Variants in ZNF248 observed in about 807,000 individuals in gnomAD.
ZNF248 encodes zinc finger protein 248.
Under a neutral mutation model 44.3 loss-of-function variants are expected in ZNF248, and 20 were observed. That is an observed-to-expected ratio of 0.45 (90% confidence interval 0.32 to 0.66). The LOEUF is 0.66. ZNF248 is among the 30% of genes least tolerant of loss of function. ZNF248 has a pLI of 0.04. For synonymous variants in ZNF248, 224 were observed against 229.0 expected, an observed-to-expected ratio of 0.98 and a Z score of 0.20; for missense variants, 654 against 677.0, an observed-to-expected ratio of 0.97 and a Z score of 0.38.
the ZNF248 span, among the ~76,000 whole-genome samples, chr10:37,768,623 T>C: frequency 6.4e-4 from 97 of 152,126 alleles, no homozygotes; most frequent in African/African-American, 2.2e-3. Flanking sequence ...TTCAAAGCAG[T>C]GTGTAGAGGG....
At chr10:37,856,247 C>G in intron 3 of ZNF248, 49 bp downstream of exon 3, 1 of 1,594,968 alleles carries the variant, frequency 6.3e-7, no homozygotes, top group Non-Finnish European at 8.6e-7. Context: ...TTATAAACTT[C>G]AGAAATCCAT....
chr10:37,817,714 A>C (rs1156417485), intron 6 of ZNF248, among the ~76,000 whole-genome samples: 1 of 152,138 alleles, frequency 6.6e-6, no homozygotes, highest in African/African-American at 2.4e-5. Flanking sequence ...TTAAAAATTG[A>C]AATTATTTAG....
Position 37,829,149 on chromosome 10 carries a change from C to T in ZNF248, c.*2466G>A, listed in dbSNP as rs1202567457. ...TGGTTGGTTTCTCCAAAGAGAGACACCAGCAATTTGGCACCACAGTTCTGG... is the reference window on the plus strand; with the variant it reads ...TGGTTGGTTTCTCCAAAGAGAGACATCAGCAATTTGGCACCACAGTTCTGG... On this transcript the variant is annotated 3_prime_UTR_variant, in exon 6 of 6. Transcript: ENST00000395867. The T allele has an allele frequency of 3.0e-6, 3 of 985,308 alleles. No individual in the cohort carries two copies. The highest frequency in any genetic ancestry group is 6.2e-5 in the Admixed American group (1 of 16,248). 61.0% of individuals were successfully genotyped at this position (985,308 alleles called of 1,614,324 possible).
downstream of ZNF248, among the ~76,000 whole-genome samples, chr10:37,828,111 A>G (rs989041833): frequency 6.6e-6 from 1 of 152,242 alleles, no homozygotes; most frequent in Non-Finnish European, 1.5e-5. Context: ...AGAATGCAGT[A>G]TAAGAGAAAA....
In ZNF248 at chr10:37,776,689, G is replaced by A. The variant is rs2046610520; in HGVS notation, c.331-114C>T. On this transcript the variant is annotated intron_variant, in intron 6 of 6. Transcript: ENST00000615949. The stretch of plus-strand genomic sequence containing the variant: ...CTATGCTGAAGGTTGGATGGTGCAG[G>A]AGTCCAAGCAACACAGTCATGCAGC... 5 of 383,020 alleles carry A rather than the reference G, an allele frequency of 1.3e-5. No homozygotes were observed. In the East Asian group the frequency reaches 1.9e-4, roughly 14 times the overall value. The allele number at this position is 383,020 out of a possible 1,614,324, so 23.7% of individuals were successfully genotyped here.
chr10:37,785,075 G>C (rs911383369), intron 6 of ZNF248, among the ~76,000 whole-genome samples: 1 of 152,144 alleles, frequency 6.6e-6, no homozygotes, highest in Non-Finnish European at 1.5e-5. Flanking sequence ...CTTGGAGGAA[G>C]GCCAGTTTTG....
chr10:37,829,004 A>G lies in ZNF248; in HGVS notation c.*2611T>C. 2 of 985,476 alleles carry G rather than the reference A, an allele frequency of 2.0e-6. No homozygotes were observed. The highest frequency in any genetic ancestry group is 2.4e-6 in the Non-Finnish European group (2 of 829,930). 61.0% of individuals were successfully genotyped at this position (985,476 alleles called of 1,614,324 possible). A position where few individuals can be genotyped will look rare whatever the true frequency, so the allele number is the denominator to read the frequency against. On this transcript the variant is annotated 3_prime_UTR_variant, in exon 6 of 6. Transcript: ENST00000395867. ...TAGAATAACTTTATTTCTAACACTG[A>G]GCCTTCTACATAGGAATTTACAGAA... is the stretch of plus-strand genomic sequence containing the variant.
At position 37,832,469 on chromosome 10, in the gene ZNF248, G is replaced by A. The variant is rs201051439; in HGVS notation, c.886C>T (p.Pro296Ser). 19 of 1,613,790 alleles carry A rather than the reference G, an allele frequency of 1.2e-5. No homozygotes were observed. Among genetic ancestry groups the A allele is most frequent in the Non-Finnish European group, 1.6e-5 (19 of 1,179,948 alleles). Residue 296 changes from proline (P) to serine (S), a missense_variant, in exon 6 of 6, where the codon CCT becomes TCT. By Grantham distance (74) the Pro-to-Ser change is moderately conservative (BLOSUM62 -1). Transcript: ENST00000395867. ...GHQRALTKDN[P>S]YEYNEYGEIF... The stretch of plus-strand genomic sequence containing the variant: ...TCCCCATATTCATTATATTCATAAG[G>A]ATTGTCCTTTGTAAGAGCTCTCTGA...
chr10:37,824,673 A>ATTTT (rs755411927), downstream of ZNF248, among the ~76,000 whole-genome samples: 38 of 79,710 alleles, frequency 4.8e-4, 6 homozygotes, highest in Admixed American at 1.7e-3. Context: ...ATTATTTTAA[A>ATTTT]TTTTTTTTTT....
chr10:37,841,970 C>T (rs1197593581), intron 3 of ZNF248, among the ~76,000 whole-genome samples: 13 of 152,068 alleles, frequency 8.5e-5, no homozygotes, highest in Non-Finnish European at 1.9e-4. Context: ...GACATGATGA[C>T]TAAGTAGAAT....
chr10:37,761,655 C>A, the ZNF248 span, among the ~76,000 whole-genome samples: 1 of 152,178 alleles, frequency 6.6e-6, no homozygotes, highest in African/African-American at 2.4e-5. Flanking sequence ...ATCAGGCTTG[C>A]CACATGAAGA....
At chr10:37,828,448 A>T (rs2054758902), downstream of ZNF248, among the ~76,000 whole-genome samples, 1 of 152,170 alleles carries the variant, frequency 6.6e-6, no homozygotes, top group Non-Finnish European at 1.5e-5. Flanking sequence ...TGACTGCTGG[A>T]AGCAATAAGG....
Position 37,829,811 on chromosome 10 carries a change from C to G in ZNF248, c.*1804G>C. On this transcript the variant is annotated 3_prime_UTR_variant, in exon 6 of 6. Transcript: ENST00000395867. ...TCTTTCCCAGAAGTACTACACAATA[C>G]TTCCCAAACATCTCATTGCTCCCAA... 6 of 985,424 alleles carry G rather than the reference C, an allele frequency of 6.1e-6. No individual in the cohort carries two copies. The highest frequency in any genetic ancestry group is 1.7e-5 in the African/African-American group (1 of 57,352). 61.0% of individuals were successfully genotyped at this position (985,424 alleles called of 1,614,324 possible).
chr10:37,816,003 AAAAG>A (rs2052392319), intron 6 of ZNF248, among the ~76,000 whole-genome samples: 1 of 150,842 alleles, frequency 6.6e-6, no homozygotes. Flanking sequence ...AAAAAAAAAA[AAAAG>A]AGAGAGAGAG....
chr10:37,774,632 GAACA>G (rs1835744128), downstream of ZNF248, among the ~76,000 whole-genome samples: 1 of 152,134 alleles, frequency 6.6e-6, no homozygotes, highest in Admixed American at 6.6e-5. Context: ...TGCCACTAAA[GAACA>G]AACAGCGTGG....
chr10:37,805,970 A>C (rs1250659704), intron 6 of ZNF248, among the ~76,000 whole-genome samples: 2 of 152,182 alleles, frequency 1.3e-5, no homozygotes, highest in Admixed American at 6.5e-5. Context: ...CAAGCATTTG[A>C]GTATCTGTTT....
chr10:37,839,322 A>G (rs759683496), intron 3 of ZNF248, among the ~76,000 whole-genome samples: 1 of 152,170 alleles, frequency 6.6e-6, no homozygotes, highest in Non-Finnish European at 1.5e-5. Flanking sequence ...TCCTTTCACT[A>G]CAATAAATCA....
At chr10:37,813,995 A>G (rs2052001659) in intron 6 of ZNF248, among the ~76,000 whole-genome samples, 1 of 152,244 alleles carries the variant, frequency 6.6e-6, no homozygotes, top group African/African-American at 2.4e-5. Context: ...TGATTGAAGA[A>G]TTTAAGCCAT....
chr10:37,852,606 C>G (rs565217496), intron 3 of ZNF248, among the ~76,000 whole-genome samples: 1 of 151,360 alleles, frequency 6.6e-6, no homozygotes, highest in African/African-American at 2.4e-5. Flanking sequence ...TGCACTCCAG[C>G]CTGGGTGACA....
Sources: gnomAD v4.1 joint callset for allele counts (sites outside exome capture counted in the v4.1 genomes callset) on GRCh38, gnomAD v4.1.1 for gene constraint, MANE v1.5 for transcripts, NCBI Gene and HGNC (gene_info 2026-07-23, HGNC 2026-07-21) for gene names.